Variants in CHERP observed in about 807,000 individuals in gnomAD.
The protein encoded by CHERP is calcium homeostasis endoplasmic reticulum protein.
CHERP carries 8 observed loss-of-function variants against 113.8 expected under a neutral mutation model. The observed-to-expected ratio is 0.07, with a 90% CI of 0.04 to 0.13. The LOEUF is 0.13. Ranked by LOEUF, CHERP falls within the 10% of genes least tolerant of loss-of-function variation. CHERP has a pLI of 1.00. For synonymous variants in CHERP, 559 were observed against 524.5 expected, an observed-to-expected ratio of 1.07 and a Z score of -0.90; for missense variants, 884 against 1,298.2, an observed-to-expected ratio of 0.68 and a Z score of 4.90.
At chr19:16,541,265 T>G (rs1302609363) in intron 2 of CHERP, 1 of 152,232 alleles carries the variant, frequency 6.6e-6, no homozygotes, top group African/African-American at 2.4e-5. Flanking sequence ...GTACTGAACG[T>G]GACAGATGTG....
chr19:16,519,545 A>G lies in CHERP; in HGVS notation c.2557+76T>C. The stretch of plus-strand genomic sequence containing the variant: ...CATCCATCCCCACATGCACTGAGGA[A>G]GAGAAAGCGCTGGTGACTCCCGGGC... On this transcript the variant is annotated intron_variant, in intron 16 of 16. Coordinates refer to ENST00000546361, the MANE Select transcript of CHERP (RefSeq NM_006387.6). This position sits in a 1 kb window ranked among gnomAD's most constrained non-coding sequence, Gnocchi z 6.0. 7.2e-7 allele frequency: 1 copy of G among 1,381,666 alleles called. No homozygotes were observed. Among genetic ancestry groups the G allele is most frequent in the Non-Finnish European group, 1.0e-6 (1 of 971,564 alleles). The allele number at this position is 1,381,666 out of a possible 1,614,324, so 85.6% of individuals were successfully genotyped here.
At position 16,525,628 on chromosome 19, in the gene CHERP, C is replaced by A. The variant is rs759691871; in HGVS notation, c.1355G>T (p.Cys452Phe). 4 of 1,531,076 alleles carry A rather than the reference C, an allele frequency of 2.6e-6. No homozygotes were observed. Among genetic ancestry groups the A allele is most frequent in the Non-Finnish European group, 3.5e-6 (4 of 1,141,436 alleles). 94.8% of individuals were successfully genotyped at this position (1,531,076 alleles called of 1,614,324 possible). A position where few individuals can be genotyped will look rare whatever the true frequency, so the allele number is the denominator to read the frequency against. ...CTCATGGCTGTTGTTCCAGGGGGGG[C>A]AGTGGGGTGGGCCGCCCTGGTGGTG... ...YPHHQGGPPH[C>F]PPWNNSHEGM... is the part of the protein sequence containing the mutation. Residue 452 changes from cysteine to phenylalanine, a missense_variant, in exon 10 of 17, where the codon TGC becomes TTC. Around this residue, in one of 8 missense-constraint regions of CHERP, gnomAD observed 464 missense variants for 590.1 expected, o/e 0.79. Coordinates refer to ENST00000546361, the MANE Select transcript of CHERP (RefSeq NM_006387.6). The surrounding 1 kb of genome is among the most constrained non-coding windows in gnomAD (Gnocchi z 6.5).
chr19:16,540,989 A>C (rs955028875), intron 2 of CHERP, among the ~76,000 whole-genome samples: 1 of 152,040 alleles, frequency 6.6e-6, no homozygotes, highest in Non-Finnish European at 1.5e-5. Flanking sequence ...GAGCCACTGC[A>C]ACAGGCCTCC....
Position 16,525,405 on chromosome 19 carries a change from G to C in CHERP, c.1578C>G (p.Phe526Leu). The C allele has an allele frequency of 1.3e-6, 2 of 1,508,122 alleles. No homozygotes were observed. Among genetic ancestry groups the C allele is most frequent in the Non-Finnish European group, 8.9e-7 (1 of 1,128,336 alleles). 93.4% of individuals were successfully genotyped at this position (1,508,122 alleles called of 1,614,324 possible). A position where few individuals can be genotyped will look rare whatever the true frequency, so the allele number is the denominator to read the frequency against. Residue 526 changes from phenylalanine (F) to leucine (L), a missense_variant, in exon 10 of 17, where the codon TTC becomes TTG. By Grantham distance (22) the Phe-to-Leu change is conservative. Around this residue, in one of 8 missense-constraint regions of CHERP, gnomAD observed 464 missense variants for 590.1 expected, o/e 0.79. Transcript: ENST00000546361. This position sits in a 1 kb window ranked among gnomAD's most constrained non-coding sequence, Gnocchi z 6.5. ...ACTGCGGGTGCTGCTGGTGGGGCGG[G>C]AAGGGCCCCCGGAAGTGTGGGGGCC... ...MQRPPHFRGP[F>L]PPHQQHPQFN...
chr19:16,519,602 C>T lies in CHERP; in HGVS notation c.2557+19G>A. 6.2e-7 allele frequency: 1 copy of T among 1,608,606 alleles called. No individual in the cohort carries two copies. The highest frequency in any genetic ancestry group is 1.3e-5 in the African/African-American group (1 of 74,912). On this transcript the variant is annotated intron_variant, in intron 16 of 16. Coordinates refer to ENST00000546361, the MANE Select transcript of CHERP (RefSeq NM_006387.6). The surrounding 1 kb of genome is among the most constrained non-coding windows in gnomAD (Gnocchi z 6.0). ...CGCGTGAGGACCCATCCCGCGCCCTCCCCATTCCCTCGCCTTACCCATCTT... is the reference window on the plus strand; with the variant it reads ...CGCGTGAGGACCCATCCCGCGCCCTTCCCATTCCCTCGCCTTACCCATCTT...
intron 11 of CHERP, among the ~76,000 whole-genome samples, chr19:16,522,265 C>A (rs1310759925): frequency 2.6e-5 from 4 of 152,022 alleles, no homozygotes; most frequent in African/African-American, 4.8e-5. Flanking sequence ...CCCCAACCCC[C>A]CCTTTTTTTT....
chr19:16,535,679 G>A lies in CHERP; in HGVS notation c.200-43C>T. On this transcript the variant is annotated intron_variant, in intron 2 of 16. Transcript: ENST00000546361. The surrounding 1 kb of genome is among the most constrained non-coding windows in gnomAD (Gnocchi z 4.3). ...GGGGTGCCCCATGAGAATGCAGATGGGGGTCTAGGTGTCCCCTTGGCCACC... is the reference window on the plus strand; with the variant it reads ...GGGGTGCCCCATGAGAATGCAGATGAGGGTCTAGGTGTCCCCTTGGCCACC... The A allele has an allele frequency of 6.9e-7, 1 of 1,458,208 alleles. No individual in the cohort carries two copies. 90.3% of individuals were successfully genotyped at this position (1,458,208 alleles called of 1,614,324 possible). A position where few individuals can be genotyped will look rare whatever the true frequency, so the allele number is the denominator to read the frequency against.
intron 5 of CHERP, among the ~76,000 whole-genome samples, chr19:16,531,483 G>A (rs374327530): frequency 2.0e-5 from 3 of 152,198 alleles, no homozygotes; most frequent in East Asian, 1.9e-4. Flanking sequence ...CTGCCGCTGC[G>A]CAGGGAGATG....
chr19:16,523,235 G>A lies in CHERP; in HGVS notation c.1797C>T (p.Asn599=). The A allele has an allele frequency of 3.1e-6, 5 of 1,600,116 alleles. No homozygotes were observed. The highest frequency in any genetic ancestry group is 1.1e-5 in the South Asian group (1 of 89,998). ...PGHRMPHPGI[N]EHPPWAGPQH... ...GGGGTCCAGCCCAAGGCGGGTGCTC[G>A]TTGATGCCAGGATGAGGCATGCGGT... The change falls in exon 11 of 17, where the codon AAC becomes AAT. Residue 599 remains asparagine (N), a synonymous_variant. Transcript: ENST00000546361. This position sits in a 1 kb window ranked among gnomAD's most constrained non-coding sequence, Gnocchi z 4.0.
At chr19:16,533,450 T>C (rs2085720535) in intron 3 of CHERP, among the ~76,000 whole-genome samples, 1 of 152,096 alleles carries the variant, frequency 6.6e-6, no homozygotes, top group African/African-American at 2.4e-5. Flanking sequence ...AAACAACCTC[T>C]GCAAACCAAC....
At chr19:16,524,940 A>C (rs1021387905) in intron 10 of CHERP, among the ~76,000 whole-genome samples, 5 of 152,204 alleles carry the variant, frequency 3.3e-5, no homozygotes, top group East Asian at 1.9e-4. Context: ...TGCAAAAAAC[A>C]AGCAGCAGCA....
chr19:16,541,712 C>G, intron 2 of CHERP, 158 bp downstream of exon 2: 1 of 786,296 alleles, frequency 1.3e-6, no homozygotes, highest in South Asian at 1.7e-5. Flanking sequence ...CCGCTCTGTG[C>G]AGGGCCGTGG....
intron 9 of CHERP, 124 bp downstream of exon 9, chr19:16,527,956 T>C: frequency 1.0e-6 from 1 of 985,666 alleles, no homozygotes; most frequent in Non-Finnish European, 1.5e-6. Context: ...GCATAAGCTC[T>C]GCCACAGAAT....
intron 9 of CHERP, chr19:16,526,030 T>G (rs113388658): frequency 3.4e-6 from 1 of 296,202 alleles, no homozygotes; most frequent in African/African-American, 2.2e-5. Flanking sequence ...CAGGGGCAGG[T>G]GCAGAGGCAC....
intron 10 of CHERP, among the ~76,000 whole-genome samples, chr19:16,524,082 T>C (rs982488889): frequency 6.6e-6 from 1 of 151,154 alleles, no homozygotes; most frequent in Non-Finnish European, 1.5e-5. Flanking sequence ...CGAAACCCCA[T>C]CTACTAAAAA....
chr19:16,525,136 T>C lies in CHERP; in HGVS notation c.1741+106A>G. 1 of 1,094,644 alleles carries C rather than the reference T, an allele frequency of 9.1e-7. No individual in the cohort carries two copies. The highest frequency in any genetic ancestry group is 1.2e-6 in the Non-Finnish European group (1 of 819,204). The allele number at this position is 1,094,644 out of a possible 1,614,324, so 67.8% of individuals were successfully genotyped here. On this transcript the variant is annotated intron_variant, in intron 10 of 16. Coordinates refer to ENST00000546361, the MANE Select transcript of CHERP (RefSeq NM_006387.6). This position sits in a 1 kb window ranked among gnomAD's most constrained non-coding sequence, Gnocchi z 6.5. ...CGTCCCATGACCCTGTGTCTGTCAC[T>C]GTGCACTCAGGAGCATGGCAGGGCC...
At position 16,532,753 on chromosome 19, in the gene CHERP, C is replaced by T; in HGVS notation, c.523-4G>A. ...TGAACATCCAGTTCTTCCCGGCCTGCAACAACCGAGCCAATGACGAGTGAG... is the reference window on the plus strand; with the variant it reads ...TGAACATCCAGTTCTTCCCGGCCTGTAACAACCGAGCCAATGACGAGTGAG... On this transcript the variant is annotated splice_region_variant and splice_polypyrimidine_tract_variant and intron_variant, in intron 4 of 16. Coordinates refer to ENST00000546361, the MANE Select transcript of CHERP (RefSeq NM_006387.6). This position sits in a 1 kb window ranked among gnomAD's most constrained non-coding sequence, Gnocchi z 4.4. 6.2e-7 allele frequency: 1 copy of T among 1,603,832 alleles called. No individual in the cohort carries two copies.
chr19:16,526,453 T>C (rs929973391), intron 9 of CHERP, among the ~76,000 whole-genome samples: 1 of 152,172 alleles, frequency 6.6e-6, no homozygotes, highest in African/African-American at 2.4e-5. Context: ...AGATATTAAA[T>C]ATCAGGAACT....
chr19:16,537,115 C>T (rs1299880214), intron 2 of CHERP, among the ~76,000 whole-genome samples: 1 of 152,076 alleles, frequency 6.6e-6, no homozygotes, highest in African/African-American at 2.4e-5. Context: ...AGACAAGACT[C>T]ACTCCAGATC....
Sources: allele counts gnomAD v4.1 joint callset (sites outside exome capture counted in the v4.1 genomes callset), GRCh38; gene constraint gnomAD v4.1.1; regional missense constraint gnomAD v4.1.1; non-coding constraint Gnocchi (gnomAD v3.1); transcripts MANE v1.5; gene names NCBI Gene and HGNC (gene_info 2026-07-23, HGNC 2026-07-21).